The following TEAD2 variants were observed in gnomAD, a reference collection of about 807,000 sequenced individuals.
TEAD2 encodes TEA domain transcription factor 2, also known as transcriptional enhancer factor TEF-4.
A neutral mutation model predicts 61.4 loss-of-function variants in TEAD2; 51 were observed. The observed-to-expected ratio is 0.83, with a 90% CI of 0.66 to 1.05. The LOEUF (loss-of-function observed/expected upper bound fraction) is 1.05. TEAD2 is among the 50% of genes least tolerant of loss of function. The probability of loss-of-function intolerance (pLI) is 0.00; values close to 1 mark genes in which losing one functional copy is unlikely to be tolerated. For missense variants in TEAD2, 509 were observed against 600.0 expected (o/e 0.85, Z 1.58); for synonymous variants, 244 against 243.2 (o/e 1.00, Z -0.03).
At chr19:49,356,182 G>A (rs1012981064) in intron 4 of TEAD2, 2 of 391,582 alleles carry the variant, frequency 5.1e-6, no homozygotes, top group Admixed American at 8.9e-5. Flanking sequence ...ACAGTGATGG[G>A]GGTTTCTAGA....
At chr19:49,351,269 G>A in intron 8 of TEAD2, 32 bp downstream of exon 8, 1 of 1,599,142 alleles carries the variant, frequency 6.3e-7, no homozygotes, top group African/African-American at 1.3e-5. Flanking sequence ...AGAGAGAGGG[G>A]AGACAAGGGA....
chr19:49,343,369 C>G lies in TEAD2; in HGVS notation c.951G>C (p.Glu317Asp), dbSNP rs1971423064. 6.2e-7 allele frequency: 1 copy of G among 1,612,000 alleles called. No individual in the cohort carries two copies. The highest frequency in any genetic ancestry group is 1.3e-5 in the African/African-American group (1 of 75,046). Residue 317 changes from glutamate (E) to aspartate (D), a missense_variant, in exon 11 of 13, where the codon GAG (glutamate) becomes GAC (aspartate). By Grantham distance (45) the Glu-to-Asp change is conservative. Coordinates refer to ENST00000593945, the MANE Select transcript of TEAD2 (RefSeq NM_001256660.2). ...WADLNWGPSG[E>D]EAGAGGSISS... ...TGATGCTGCCACCGGCCCCTGCCTC[C>G]TCACCACTTGGGCCCCAGTTCAGGT...
At chr19:49,355,021 G>GCACACATACATA in intron 7 of TEAD2, 127 bp downstream of exon 7, 1 of 630,400 alleles carries the variant, frequency 1.6e-6, no homozygotes, top group South Asian at 1.9e-5. Context: ...ATACATACAT[G>GCACACATACATA]CATACATACA....
chr19:49,342,659 C>T, intron 11 of TEAD2, 69 bp from the exon 12 acceptor site: 2 of 1,574,902 alleles, frequency 1.3e-6, no homozygotes, highest in Non-Finnish European at 1.7e-6. Context: ...AGGAATTGAG[C>T]TCCACCCTGT....
chr19:49,359,956 A>T lies in TEAD2; in HGVS notation c.120T>A (p.Asp40Glu), dbSNP rs1568582742. The T allele has an allele frequency of 1.2e-6, 2 of 1,610,878 alleles. No homozygotes were observed. Among genetic ancestry groups the T allele is most frequent in the South Asian group, 2.2e-5 (2 of 91,064 alleles). ...TGTCTGGGCTCCACACCCCCTCTGCATCCGGGCCCCCGTCACCCCCAGCCC... is the reference window on the plus strand; with the variant it reads ...TGTCTGGGCTCCACACCCCCTCTGCTTCCGGGCCCCCGTCACCCCCAGCCC... ...SEGAGGDGGP[D>E]AEGVWSPDIE... is the part of the protein sequence containing the mutation. Residue 40 changes from aspartate (D) to glutamate (E), a missense_variant, in exon 2 of 13, where the codon GAT becomes GAA. Coordinates refer to ENST00000593945, the MANE Select transcript of TEAD2 (RefSeq NM_001256660.2). The surrounding 1 kb of genome is among the most constrained non-coding windows in gnomAD (Gnocchi z 4.1).
At position 49,341,177 on chromosome 19, in the gene TEAD2, G is replaced by T. The variant is rs74933444; in HGVS notation, c.*147C>A. ...ACCAAGTTTTGGGGGCCCCTCTAATGGGGGGGATGGCCCCAGTTGCTTAGG... is the reference window on the plus strand; with the variant it reads ...ACCAAGTTTTGGGGGCCCCTCTAATTGGGGGGATGGCCCCAGTTGCTTAGG... On this transcript the variant is annotated 3_prime_UTR_variant, in exon 13 of 13. Coordinates refer to ENST00000593945, the MANE Select transcript of TEAD2 (RefSeq NM_001256660.2). The surrounding 1 kb of genome is among the most constrained non-coding windows in gnomAD (Gnocchi z 4.2). 1.5e-6 allele frequency: 1 copy of T among 665,156 alleles called. No homozygotes were observed. The highest frequency in any genetic ancestry group is 1.9e-5 in the South Asian group (1 of 53,552). The allele number at this position is 665,156 out of a possible 1,614,324, so 41.2% of individuals were successfully genotyped here. A position where few individuals can be genotyped will look rare whatever the true frequency, so the allele number is the denominator to read the frequency against.
chr19:49,342,641 G>A (rs1310242537), intron 11 of TEAD2, 51 bp from the exon 12 acceptor site: 5 of 1,591,902 alleles, frequency 3.1e-6, no homozygotes, highest in Non-Finnish European at 1.7e-6. Flanking sequence ...AGACCCACGG[G>A]TCACCCCAGG....
Position 49,348,836 on chromosome 19 carries a change from G to C in TEAD2, c.614C>G (p.Pro205Arg). The C allele has an allele frequency of 6.4e-7, 1 of 1,561,278 alleles. No individual in the cohort carries two copies. Among genetic ancestry groups the C allele is most frequent in the Non-Finnish European group, 8.6e-7 (1 of 1,159,540 alleles). ...GGGCAGGGGTGAGAGGGCTTGGGGGGGCTCGTACCCTAGAGAGAGAGAAGA... is the reference window on the plus strand; with the variant it reads ...GGGCAGGGGTGAGAGGGCTTGGGGGCGCTCGTACCCTAGAGAGAGAGAAGA... ...PPSTDLPGYEPPQALSPLPPP... is the reference protein window; with the variant it reads ...PPSTDLPGYERPQALSPLPPP... The change falls in exon 9 of 13, where the codon CCC becomes CGC. Residue 205 changes from proline to arginine, a missense_variant. Coordinates refer to ENST00000593945, the MANE Select transcript of TEAD2 (RefSeq NM_001256660.2).
In TEAD2 at chr19:49,359,271, C is replaced by T. The variant is rs76473922; in HGVS notation, c.297+164G>A. The T allele has an allele frequency of 4.9e-3, 3,334 of 684,720 alleles. 19 individuals carry two copies. The highest frequency in any genetic ancestry group is 0.024 in the African/African-American group (1,336 of 55,758). The allele number at this position is 684,720 out of a possible 1,614,324, so 42.4% of individuals were successfully genotyped here. On this transcript the variant is annotated intron_variant, in intron 3 of 12. Coordinates refer to ENST00000593945, the MANE Select transcript of TEAD2 (RefSeq NM_001256660.2). This position sits in a 1 kb window ranked among gnomAD's most constrained non-coding sequence, Gnocchi z 4.1. ...AACAAATACATAAATAACCCAGCCT[C>T]GGGTAATTCTTTATAGCAATACAAA...
chr19:49,359,615 C>A lies in TEAD2; in HGVS notation c.233-116G>T. ...TCCCCAAAGGTCTGCAGCAAGTGGG[C>A]TGCCGGTCCCCTCAGCTACGTGGAA... On this transcript the variant is annotated intron_variant, in intron 2 of 12. Coordinates refer to ENST00000593945, the MANE Select transcript of TEAD2 (RefSeq NM_001256660.2). This position sits in a 1 kb window ranked among gnomAD's most constrained non-coding sequence, Gnocchi z 4.1. 1 of 1,257,130 alleles carries A rather than the reference C, an allele frequency of 8.0e-7. No homozygotes were observed. Among genetic ancestry groups the A allele is most frequent in the Non-Finnish European group, 1.1e-6 (1 of 870,852 alleles). 77.9% of individuals were successfully genotyped at this position (1,257,130 alleles called of 1,614,324 possible).
rs80245691 is a variant in TEAD2, at chr19:49,345,023, G to A, written c.922-1625C>T. On this transcript the variant is annotated intron_variant, in intron 10 of 12. Coordinates refer to ENST00000593945, the MANE Select transcript of TEAD2 (RefSeq NM_001256660.2). ...CAGGGGCCCGACTCCATCTCTCACC[G>A]TGGCAAAACCAAAGACCTTACCAGC... is the stretch of plus-strand genomic sequence containing the variant. Among the ~76,000 whole-genome samples the A allele has an allele frequency of 5.5e-3, 835 of 152,190 alleles. 5 individuals carry two copies. Among genetic ancestry groups the A allele is most frequent in the African/African-American group, 0.019 (800 of 41,522 alleles).
chr19:49,340,731 G>A lies in TEAD2; in HGVS notation c.*593C>T, dbSNP rs1249116172. Reference sequence around the variant, plus strand: ...AAGTTCAACACACTGCTTGTGCAGCGGAGATAAAGTCAAGACCCTAGCACC... The same window carrying A: ...AAGTTCAACACACTGCTTGTGCAGCAGAGATAAAGTCAAGACCCTAGCACC... On this transcript the variant is annotated 3_prime_UTR_variant, in exon 13 of 13. Coordinates refer to ENST00000593945, the MANE Select transcript of TEAD2 (RefSeq NM_001256660.2). 8 of 335,346 alleles carry A rather than the reference G, an allele frequency of 2.4e-5. No individual in the cohort carries two copies. The highest frequency in any genetic ancestry group is 7.3e-5 in the East Asian group (1 of 13,780). 20.8% of individuals were successfully genotyped at this position (335,346 alleles called of 1,614,324 possible). A position where few individuals can be genotyped will look rare whatever the true frequency, so the allele number is the denominator to read the frequency against.
intron 3 of TEAD2, among the ~76,000 whole-genome samples, chr19:49,358,353 T>C (rs1369111818): frequency 6.6e-6 from 1 of 152,026 alleles, no homozygotes; most frequent in African/African-American, 2.4e-5. Context: ...AGGCGGAGGC[T>C]GCAGTGAGCT....
intron 8 of TEAD2, among the ~76,000 whole-genome samples, chr19:49,350,595 A>G (rs1416493197): frequency 1.3e-5 from 2 of 152,070 alleles, no homozygotes; most frequent in South Asian, 4.2e-4. Context: ...TAGGCCTCCC[A>G]AAGTGCTGGG....
intron 5 of TEAD2, 40 bp downstream of exon 5, chr19:49,355,919 T>C: frequency 7.8e-7 from 1 of 1,276,012 alleles, no homozygotes; most frequent in Non-Finnish European, 9.9e-7. Context: ...GGCACTAGTT[T>C]GGAGTGAGCG....
intron 10 of TEAD2, 33 bp downstream of exon 10, chr19:49,347,157 G>A: frequency 6.2e-7 from 1 of 1,609,148 alleles, no homozygotes; most frequent in Non-Finnish European, 8.5e-7. Context: ...CACAGGATTT[G>A]TGAGCACTTT....
chr19:49,341,738 G>T lies in TEAD2; in HGVS notation c.1243-301C>A, dbSNP rs543240393. The stretch of plus-strand genomic sequence containing the variant: ...GTCCCCATCATGTCACAAGTAAAGG[G>T]AGAACCCTCCCTGCAGGTTCCGCGG... On this transcript the variant is annotated intron_variant, in intron 12 of 12. Coordinates refer to ENST00000593945, the MANE Select transcript of TEAD2 (RefSeq NM_001256660.2). This position sits in a 1 kb window ranked among gnomAD's most constrained non-coding sequence, Gnocchi z 4.2. Among the ~76,000 whole-genome samples the T allele has an allele frequency of 3.9e-5, 6 of 152,214 alleles. No individual in the cohort carries two copies. The East Asian group carries it at 7.7e-4, about 20-fold the overall frequency.
chr19:49,358,520 C>G (rs556814071), intron 3 of TEAD2, among the ~76,000 whole-genome samples: 28 of 152,336 alleles, frequency 1.8e-4, no homozygotes, highest in Admixed American at 2.0e-4. Flanking sequence ...CCCACTACCC[C>G]CTCCGCCATG....
At chr19:49,360,130 G>T in intron 1 of TEAD2, 49 bp from the exon 2 acceptor site, 1 of 1,472,024 alleles carries the variant, frequency 6.8e-7, no homozygotes, top group African/African-American at 1.4e-5. Context: ...CCACCCTCAA[G>T]GGACTTGAAG....
Sources: gnomAD v4.1 joint callset for allele counts (sites outside exome capture counted in the v4.1 genomes callset) on GRCh38, gnomAD v4.1.1 for gene constraint, Gnocchi (gnomAD v3.1) non-coding constraint, MANE v1.5 for transcripts, NCBI Gene and HGNC (gene_info 2026-07-23, HGNC 2026-07-21) for gene names.